The following SLIT1 variants were observed in gnomAD, a reference collection of about 807,000 sequenced individuals.
SLIT1 encodes slit guidance ligand 1.
A neutral mutation model predicts 186.1 loss-of-function variants in SLIT1; 66 were observed. The ratio of observed to expected loss-of-function variants is 0.35; its 90% CI spans 0.29 to 0.44. SLIT1 has a LOEUF of 0.44. SLIT1 is among the 20% of genes least tolerant of loss of function. SLIT1 has a pLI of 1.00. For synonymous variants in SLIT1, 761 were observed against 833.8 expected (o/e 0.91, Z 1.50); for missense variants, 1,638 against 2,037.4 (o/e 0.80, Z 3.77).
At chr10:97,140,650 G>C (rs1849748720) in intron 4 of SLIT1, among the ~76,000 whole-genome samples, 1 of 152,186 alleles carries the variant, frequency 6.6e-6, no homozygotes, top group South Asian at 2.1e-4. Context: ...AAACACCAGG[G>C]CCCCAAAGAC....
In SLIT1 at chr10:97,164,744, C is replaced by T. The variant is rs934865549; in HGVS notation, c.269+75G>A. On this transcript the variant is annotated intron_variant, in intron 2 of 36. Transcript: ENST00000266058. ...GCCCAGACAGCCCACCACCCTACCA[C>T]CCACAGCCAGGGCCCTGCCCAGGAC... 7.8e-6 allele frequency: 9 copies of T among 1,160,138 alleles called. 1 individual carries two copies. The highest frequency in any genetic ancestry group is 5.1e-5 in the Admixed American group (3 of 59,214). The allele number at this position is 1,160,138 out of a possible 1,614,324, so 71.9% of individuals were successfully genotyped here.
intron 4 of SLIT1, among the ~76,000 whole-genome samples, chr10:97,074,728 C>A (rs1461326926): frequency 6.6e-6 from 1 of 152,208 alleles, no homozygotes. Context: ...CGGCCGCCCG[C>A]CCCTGAAGAC....
At chr10:97,113,159 T>C (rs894112041) in intron 4 of SLIT1, among the ~76,000 whole-genome samples, 1 of 152,248 alleles carries the variant, frequency 6.6e-6, no homozygotes, top group African/African-American at 2.4e-5. Flanking sequence ...ATTATAATTA[T>C]ATATAATTTG....
chr10:97,099,578 T>G (rs1277063873), intron 4 of SLIT1, among the ~76,000 whole-genome samples: 1 of 152,200 alleles, frequency 6.6e-6, no homozygotes, highest in African/African-American at 2.4e-5. Context: ...TCTCTGCCTG[T>G]GGCCTGGCCC....
chr10:97,082,012 C>T (rs554537144), intron 4 of SLIT1, among the ~76,000 whole-genome samples: 180 of 152,382 alleles, frequency 1.2e-3, no homozygotes, highest in African/African-American at 4.2e-3. Flanking sequence ...GACAGGATAG[C>T]TCCTCTATGA....
intron 1 of SLIT1, among the ~76,000 whole-genome samples, chr10:97,180,810 C>T (rs1171459075): frequency 6.6e-6 from 1 of 152,260 alleles, no homozygotes; most frequent in Non-Finnish European, 1.5e-5. Flanking sequence ...CACTCAAATC[C>T]TTACCTCCCG....
At chr10:97,023,981 A>AGGAG (rs1235636123) in intron 25 of SLIT1, among the ~76,000 whole-genome samples, 35 of 151,842 alleles carry the variant, frequency 2.3e-4, no homozygotes, top group Non-Finnish European at 4.0e-4. Context: ...AAGGAAGGAA[A>AGGAG]GGAGGGAGGG....
At position 97,040,089 on chromosome 10, in the gene SLIT1, T is replaced by C. The variant is rs769049970; in HGVS notation, c.2196A>G (p.Pro732=). ...GQEEGGCLPR[P]QCPQECACLD... ...GGCAGGCGCACTCCTGTGGGCACTGTGGGCGGGGCAGGCAGCCCCCCTCCT... is the reference window on the plus strand; with the variant it reads ...GGCAGGCGCACTCCTGTGGGCACTGCGGGCGGGGCAGGCAGCCCCCCTCCT... Residue 732 remains proline (P), a synonymous_variant, in exon 21 of 37, where the codon CCA becomes CCG. Transcript: ENST00000266058. The C allele has an allele frequency of 9.4e-6, 15 of 1,593,942 alleles. No individual in the cohort carries two copies. The highest frequency in any genetic ancestry group is 1.2e-5 in the Non-Finnish European group (14 of 1,170,510).
chr10:97,109,894 T>C (rs746441929), intron 4 of SLIT1, among the ~76,000 whole-genome samples: 2 of 152,134 alleles, frequency 1.3e-5, no homozygotes, highest in Non-Finnish European at 2.9e-5. Context: ...CAAACCTCCA[T>C]TAAATGGGCC....
At chr10:97,156,595 G>A (rs544035847) in intron 4 of SLIT1, among the ~76,000 whole-genome samples, 149 of 152,192 alleles carry the variant, frequency 9.8e-4, no homozygotes, top group African/African-American at 3.5e-3. Flanking sequence ...GTAAATAAAA[G>A]TTTGAAGGTA....
At chr10:97,161,775 T>C (rs1850030225) in intron 3 of SLIT1, among the ~76,000 whole-genome samples, 2 of 152,142 alleles carry the variant, frequency 1.3e-5, no homozygotes, top group African/African-American at 4.8e-5. Flanking sequence ...TGAAACTCCG[T>C]CTCAAAAAAA....
chr10:97,157,641 C>T (rs1849968768), intron 4 of SLIT1, 177 bp downstream of exon 4: 8 of 651,692 alleles, frequency 1.2e-5, no homozygotes, highest in Non-Finnish European at 1.9e-5. Flanking sequence ...ATACCCTGCA[C>T]AGCACCTTCC....
chr10:97,083,273 T>A (rs572431503), intron 4 of SLIT1, among the ~76,000 whole-genome samples: 3 of 152,286 alleles, frequency 2.0e-5, no homozygotes, highest in African/African-American at 4.8e-5. Flanking sequence ...TCATGCCTAT[T>A]TTCCAGATAA....
At position 97,047,280 on chromosome 10, in the gene SLIT1, A is replaced by G. The variant is rs545796532; in HGVS notation, c.1635-215T>C. Among the ~76,000 whole-genome samples, 15 of 152,372 alleles carry G rather than the reference A, an allele frequency of 9.8e-5. 1 individual carries two copies. The South Asian group carries it at 3.1e-3, about 32-fold the overall frequency. On this transcript the variant is annotated intron_variant, in intron 16 of 36. Transcript: ENST00000266058. ...ACATTAAAAATGCCATGAAAAATTT[A>G]CAGACGTAAATGACAGATGCTTGCA...
chr10:97,133,878 T>C (rs770735499), intron 4 of SLIT1, among the ~76,000 whole-genome samples: 3 of 152,164 alleles, frequency 2.0e-5, no homozygotes, highest in Non-Finnish European at 4.4e-5. Flanking sequence ...CTGTATCCCC[T>C]GGCTCACCGT....
intron 23 of SLIT1, among the ~76,000 whole-genome samples, chr10:97,034,155 G>A (rs2134612729): frequency 6.6e-6 from 1 of 152,338 alleles, no homozygotes; most frequent in South Asian, 2.1e-4. Context: ...GTGAGCCACT[G>A]CGCCTGGCCG....
intron 20 of SLIT1, among the ~76,000 whole-genome samples, chr10:97,041,117 A>T (rs776386456): frequency 6.6e-6 from 1 of 152,200 alleles, no homozygotes; most frequent in Non-Finnish European, 1.5e-5. Context: ...TCTCAGCAGC[A>T]ACATCTTAGA....
chr10:97,127,623 T>C (rs1431754064), intron 4 of SLIT1, among the ~76,000 whole-genome samples: 1 of 152,194 alleles, frequency 6.6e-6, no homozygotes, highest in Non-Finnish European at 1.5e-5. Context: ...ACCTCACCTC[T>C]ATGTGTGCAA....
At chr10:97,130,850 G>C (rs1849646461) in intron 4 of SLIT1, among the ~76,000 whole-genome samples, 1 of 152,194 alleles carries the variant, frequency 6.6e-6, no homozygotes, top group South Asian at 2.1e-4. Context: ...GGAGGGGGTT[G>C]CCATTCGGTC....
Sources: allele counts gnomAD v4.1 joint callset (sites outside exome capture counted in the v4.1 genomes callset), GRCh38; gene constraint gnomAD v4.1.1; transcripts MANE v1.5; gene names NCBI Gene and HGNC (gene_info 2026-07-23, HGNC 2026-07-21).